The following ABAT variants were observed in gnomAD, a reference collection of about 807,000 sequenced individuals.
ABAT encodes the protein 4-aminobutyrate aminotransferase, mitochondrial.
In ABAT, 45 loss-of-function variants were observed where a neutral mutation model predicts 64.6. The ratio of observed to expected loss-of-function variants is 0.70; its 90% CI spans 0.55 to 0.89. The LOEUF (loss-of-function observed/expected upper bound fraction) is 0.89. ABAT is among the 40% of genes least tolerant of loss of function. The probability of loss-of-function intolerance (pLI) is 0.00; values close to 1 mark genes in which losing one functional copy is unlikely to be tolerated. For missense variants in ABAT, 633 were observed against 658.4 expected (o/e 0.96, Z 0.42); for synonymous variants, 297 against 250.5 (o/e 1.19, Z -1.75).
chr16:8,776,678 T>G lies in ABAT; in HGVS notation c.1269+188T>G, dbSNP rs1005020304. Among the ~76,000 whole-genome samples the G allele has an allele frequency of 6.6e-6, 1 of 152,230 alleles. No individual in the cohort carries two copies. The highest frequency in any genetic ancestry group is 1.9e-4 in the East Asian group (1 of 5,192). On this transcript the variant is annotated intron_variant, in intron 14 of 15. Transcript: ENST00000268251. This position sits in a 1 kb window ranked among gnomAD's most constrained non-coding sequence, Gnocchi z 4.4. ...TCTGCAGGGGATGCCTCCCTATCCC[T>G]CCATCCCATTCCAACCCCTATTCCT...
At chr16:8,777,811 G>A (rs917575749) in intron 14 of ABAT, among the ~76,000 whole-genome samples, 1 of 152,122 alleles carries the variant, frequency 6.6e-6, no homozygotes. Flanking sequence ...CACTGGCAGG[G>A]GATTCAAGAA....
chr16:8,685,828 C>T (rs4985114), intron 1 of ABAT, among the ~76,000 whole-genome samples: 1 of 151,910 alleles, frequency 6.6e-6, no homozygotes, highest in African/African-American at 2.4e-5. Flanking sequence ...GACCCATGAT[C>T]TTGAATTTGG....
intron 9 of ABAT, among the ~76,000 whole-genome samples, chr16:8,767,381 C>G: frequency 6.6e-6 from 1 of 152,186 alleles, no homozygotes; most frequent in East Asian, 1.9e-4. Context: ...CTGCAAGGTG[C>G]CCAGCTCGGC....
chr16:8,732,772 G>A (rs1353213390), intron 1 of ABAT, among the ~76,000 whole-genome samples: 7 of 150,498 alleles, frequency 4.7e-5, no homozygotes, highest in Non-Finnish European at 8.9e-5. Flanking sequence ...CGGGCAGAGG[G>A]GCTCCTCACT....
intron 5 of ABAT, among the ~76,000 whole-genome samples, chr16:8,754,997 A>G (rs367785099): frequency 9.7e-4 from 148 of 152,160 alleles, no homozygotes; most frequent in South Asian, 3.7e-3. Context: ...TTCCTTTCTT[A>G]TCTGCTATTC....
In ABAT at chr16:8,775,201, A is replaced by C. The variant is rs186219945; in HGVS notation, c.1122+144A>C. The C allele has an allele frequency of 5.7e-6, 6 of 1,060,516 alleles. No individual in the cohort carries two copies. In the Admixed American group the frequency reaches 1.2e-4, roughly 21 times the overall value. The allele number at this position is 1,060,516 out of a possible 1,614,324, so 65.7% of individuals were successfully genotyped here. ...TCTAAGTCCCAGTTCTTATCAATGC[A>C]ATTAGCAGTGGTGTGCCCTCCCAGC... On this transcript the variant is annotated intron_variant, in intron 13 of 15. Coordinates refer to ENST00000268251, the MANE Select transcript of ABAT (RefSeq NM_020686.6).
At chr16:8,745,568 G>T (rs774512476) in intron 2 of ABAT, among the ~76,000 whole-genome samples, 1 of 151,968 alleles carries the variant, frequency 6.6e-6, no homozygotes, top group Non-Finnish European at 1.5e-5. Flanking sequence ...ATGGTGGTGC[G>T]TGCCTGTAAT....
chr16:8,777,401 C>T (rs914192007), intron 14 of ABAT, among the ~76,000 whole-genome samples: 16 of 152,178 alleles, frequency 1.1e-4, no homozygotes, highest in African/African-American at 3.4e-4. Flanking sequence ...GCCAAAATGG[C>T]TCCTGGAGCT....
intron 1 of ABAT, among the ~76,000 whole-genome samples, chr16:8,689,897 C>G (rs2057541472): frequency 6.6e-6 from 1 of 152,168 alleles, no homozygotes; most frequent in Non-Finnish European, 1.5e-5. Flanking sequence ...GTGATAGGGA[C>G]CAGACCTCAA....
At chr16:8,778,798 A>G (rs2060344892) in intron 14 of ABAT, among the ~76,000 whole-genome samples, 1 of 152,110 alleles carries the variant, frequency 6.6e-6, no homozygotes, top group Non-Finnish European at 1.5e-5. Flanking sequence ...ACAAAAAACA[A>G]AAAACAGTCA....
intron 12 of ABAT, among the ~76,000 whole-genome samples, chr16:8,774,596 A>T (rs958546746): frequency 5.9e-5 from 9 of 152,172 alleles, no homozygotes; most frequent in African/African-American, 2.2e-4. Context: ...GACTGAAGCC[A>T]GATGACATAC....
intron 1 of ABAT, among the ~76,000 whole-genome samples, chr16:8,675,273 G>A (rs968500473): frequency 3.9e-5 from 6 of 152,032 alleles, no homozygotes; most frequent in Non-Finnish European, 7.4e-5. Context: ...CCTTAGCCCT[G>A]CCGGAGACCC....
At chr16:8,743,876 G>A (rs1234604467) in intron 2 of ABAT, among the ~76,000 whole-genome samples, 1 of 152,078 alleles carries the variant, frequency 6.6e-6, no homozygotes, top group Non-Finnish European at 1.5e-5. Flanking sequence ...CCAGGAAGGT[G>A]AAAGATCAAG....
chr16:8,677,274 C>A (rs2057226307), intron 1 of ABAT, among the ~76,000 whole-genome samples: 1 of 152,148 alleles, frequency 6.6e-6, no homozygotes, highest in Non-Finnish European at 1.5e-5. Flanking sequence ...GGTGCTTATG[C>A]CTTAAGGCAA....
intron 14 of ABAT, among the ~76,000 whole-genome samples, chr16:8,778,984 G>A (rs1223250256): frequency 6.6e-6 from 1 of 152,176 alleles, no homozygotes; most frequent in Non-Finnish European, 1.5e-5. Flanking sequence ...AAAGCCCTGA[G>A]GGAGGACAGG....
chr16:8,708,390 G>A (rs935593764), intron 1 of ABAT, among the ~76,000 whole-genome samples: 1 of 152,064 alleles, frequency 6.6e-6, no homozygotes, highest in African/African-American at 2.4e-5. Flanking sequence ...GGGACCACAG[G>A]TGCACACCAC....
chr16:8,732,785 C>T (rs1213060250), intron 1 of ABAT, among the ~76,000 whole-genome samples: 1 of 150,456 alleles, frequency 6.6e-6, no homozygotes, highest in African/African-American at 2.5e-5. Flanking sequence ...TCCTCACTTC[C>T]CAGTAGGGGC....
rs1443323102 is a variant in ABAT, at chr16:8,772,855, G to T, written c.892G>T (p.Glu298Ter). ...GATCATCGTGGAGCCCATCCAGTCC[G>T]AGGGTGGAGACAACCACGCATCCGA... is the stretch of plus-strand genomic sequence containing the variant. Reference protein sequence around the residue: ...AGIIVEPIQSEGGDNHASDDF... With the variant: ...AGIIVEPIQS Residue 298 changes from glutamate (E) to a stop codon, truncating the protein, a stop_gained, in exon 12 of 16, where the codon GAG becomes TAG. Transcript: ENST00000268251. LOFTEE classifies it high-confidence loss of function. 1 of 1,613,988 alleles carries T rather than the reference G, an allele frequency of 6.2e-7. No individual in the cohort carries two copies. Among genetic ancestry groups the T allele is most frequent in the African/African-American group, 1.3e-5 (1 of 74,898 alleles).
chr16:8,683,956 G>C (rs1197987985), intron 1 of ABAT, among the ~76,000 whole-genome samples: 2 of 96,434 alleles, frequency 2.1e-5, no homozygotes, highest in African/African-American at 7.0e-5. Context: ...CTGTGTGTGT[G>C]AGAGAGACAG....
Sources: gnomAD v4.1 joint callset for allele counts (sites outside exome capture counted in the v4.1 genomes callset) on GRCh38, gnomAD v4.1.1 for gene constraint, Gnocchi (gnomAD v3.1) non-coding constraint, MANE v1.5 for transcripts, NCBI Gene and HGNC (gene_info 2026-07-23, HGNC 2026-07-21) for gene names.